SUCO: variants seen among roughly 807,000 people sequenced by gnomAD.
The protein encoded by SUCO is SUN domain-containing ossification factor.
SUCO carries 57 observed loss-of-function variants against 148.1 expected under a neutral mutation model. The observed-to-expected ratio is 0.38, with a 90% CI of 0.31 to 0.48. SUCO has a LOEUF of 0.48. Ranked by LOEUF, SUCO falls within the 20% of genes least tolerant of loss-of-function variation. The probability of loss-of-function intolerance (pLI) is 0.96; values close to 1 mark genes in which losing one functional copy is unlikely to be tolerated. For synonymous variants in SUCO, 470 were observed against 502.7 expected (o/e 0.93, Z 0.87); for missense variants, 1,331 against 1,468.2 (o/e 0.91, Z 1.53).
chr1:172,569,732 C>T (rs966378006), intron 7 of SUCO, among the ~76,000 whole-genome samples: 1 of 151,826 alleles, frequency 6.6e-6, no homozygotes, highest in Non-Finnish European at 1.5e-5. Context: ...GAAATACATC[C>T]TTAATAGATG....
Position 172,555,950 on chromosome 1 carries a change from G to A in SUCO, c.370G>A (p.Val124Ile). The A allele has an allele frequency of 6.2e-7, 1 of 1,613,506 alleles. No homozygotes were observed. The highest frequency in any genetic ancestry group is 8.5e-7 in the Non-Finnish European group (1 of 1,179,666). Residue 124 changes from valine (V) to isoleucine (I), a missense_variant, in exon 4 of 24, where the codon GTT becomes ATT. Val to Ile is a conservative substitution (Grantham distance 29). Around this residue, in one of 3 missense-constraint regions of SUCO, gnomAD observed 992 missense variants for 1,093.5 expected, o/e 0.91. Transcript: ENST00000263688. ...VDLHEESSNA[V>I]VDSETVENIS... ...TTTGCATGAAGAGTCTTCCAATGCA[G>A]TTGTGGACAGTGAAACTGTTGAAAA...
chr1:172,577,441 C>T (rs1053153814), intron 11 of SUCO, 98 bp from the exon 12 acceptor site: 12 of 1,174,314 alleles, frequency 1.0e-5, no homozygotes, highest in Non-Finnish European at 2.4e-6. Flanking sequence ...ACTCTCTATA[C>T]TTTATACAAC....
At chr1:172,557,943 C>T in intron 6 of SUCO, 149 bp downstream of exon 6, 2 of 620,450 alleles carry the variant, frequency 3.2e-6, no homozygotes, top group African/African-American at 1.9e-5. Context: ...GAACTGTGCT[C>T]CCTGAGAGCA....
chr1:172,569,512 G>A (rs2149244609), intron 7 of SUCO: 1 of 982,426 alleles, frequency 1.0e-6, no homozygotes, highest in Non-Finnish European at 1.2e-6. Context: ...ACCAAAAGGT[G>A]TTTTACATAT....
At chr1:172,600,982 GT>G (rs1272568602) in intron 20 of SUCO, among the ~76,000 whole-genome samples, 1 of 152,166 alleles carries the variant, frequency 6.6e-6, no homozygotes, top group Non-Finnish European at 1.5e-5. Flanking sequence ...TGAGAAATGG[GT>G]TCAAGATATT....
At chr1:172,532,886 C>A (rs1184341279), upstream of SUCO, 119 of 1,456,912 alleles carry the variant, frequency 8.2e-5, no homozygotes, top group Non-Finnish European at 9.0e-5. Flanking sequence ...GGACCTGGGG[C>A]GGGCGGAGCG....
chr1:172,538,828 C>G (rs182862851), intron 1 of SUCO, among the ~76,000 whole-genome samples: 7 of 152,250 alleles, frequency 4.6e-5, no homozygotes, highest in Admixed American at 2.0e-4. Flanking sequence ...TCGGGTCATA[C>G]AGTGTCAGAT....
intron 7 of SUCO, 32 bp from the exon 8 acceptor site, chr1:172,570,015 T>A: frequency 7.4e-7 from 1 of 1,355,194 alleles, no homozygotes; most frequent in Non-Finnish European, 9.5e-7. Context: ...CAAATATATA[T>A]ATAAATATTT....
chr1:172,606,788 A>G (rs920685185), intron 22 of SUCO, among the ~76,000 whole-genome samples: 5 of 151,734 alleles, frequency 3.3e-5, no homozygotes, highest in African/African-American at 1.2e-4. Flanking sequence ...TTTTCCTCCC[A>G]GATATTCCCT....
intron 19 of SUCO, 46 bp from the exon 20 acceptor site, chr1:172,600,018 T>A: frequency 8.0e-7 from 1 of 1,247,224 alleles, no homozygotes; most frequent in Non-Finnish European, 1.1e-6. Context: ...ATAATGTTAA[T>A]AGTTTGTAGT....
intron 1 of SUCO, among the ~76,000 whole-genome samples, chr1:172,545,840 A>G (rs191721727): frequency 1.1e-4 from 16 of 152,332 alleles, no homozygotes; most frequent in Admixed American, 7.2e-4. Context: ...CAATTTTACA[A>G]TGTTGATACT....
At chr1:172,563,152 G>A (rs998333820) in intron 6 of SUCO, among the ~76,000 whole-genome samples, 1 of 152,126 alleles carries the variant, frequency 6.6e-6, no homozygotes, top group African/African-American at 2.4e-5. Flanking sequence ...GTTCTTTATA[G>A]CAGTGTAAGA....
In SUCO at chr1:172,550,912, G is replaced by A. The variant is rs1039360807; in HGVS notation, c.63-600G>A. 5.2e-6 allele frequency: 5 copies of A among 969,920 alleles called. No homozygotes were observed. The African/African-American group carries it at 8.8e-5, about 17-fold the overall frequency. 60.1% of individuals were successfully genotyped at this position (969,920 alleles called of 1,614,324 possible). ...TGTTGGACTAGTTTTGAATGTCAGA[G>A]CTTAACTCTACTTGATAATAATTGT... is the stretch of plus-strand genomic sequence containing the variant. On this transcript the variant is annotated intron_variant, in intron 1 of 23. Coordinates refer to ENST00000263688, the MANE Select transcript of SUCO (RefSeq NM_014283.5).
intron 9 of SUCO, among the ~76,000 whole-genome samples, chr1:172,572,693 C>CAAGA (rs1655124894): frequency 6.5e-5 from 1 of 15,498 alleles, no homozygotes; most frequent in African/African-American, 2.8e-4. Flanking sequence ...CAAGAATGAT[C>CAAGA]AATAAAAAAA....
At chr1:172,588,118 G>A (rs1656366257) in intron 17 of SUCO, 1 of 985,112 alleles carries the variant, frequency 1.0e-6, no homozygotes. Context: ...AATTATTTTA[G>A]GAAGGGAGAT....
chr1:172,534,722 G>A (rs1270380125), intron 1 of SUCO, among the ~76,000 whole-genome samples: 1 of 152,144 alleles, frequency 6.6e-6, no homozygotes. Flanking sequence ...GCCTGTAAGA[G>A]ATAAATCCAC....
chr1:172,604,339 G>T (rs1175399211), intron 22 of SUCO, among the ~76,000 whole-genome samples: 1 of 151,838 alleles, frequency 6.6e-6, no homozygotes, highest in African/African-American at 2.4e-5. Context: ...AGAAAGTTGA[G>T]TAGAGTAGGT....
chr1:172,543,244 GC>G (rs1408030438), intron 1 of SUCO, among the ~76,000 whole-genome samples: 1 of 152,174 alleles, frequency 6.6e-6, no homozygotes, highest in African/African-American at 2.4e-5. Flanking sequence ...TACTGTTGTA[GC>G]TTTATTTTCT....
At chr1:172,566,647 G>T (rs966946703) in intron 6 of SUCO, among the ~76,000 whole-genome samples, 1 of 152,258 alleles carries the variant, frequency 6.6e-6, no homozygotes, top group Admixed American at 6.5e-5. Context: ...AGGCAGTTCT[G>T]CAGTCATACC....
Sources: gnomAD v4.1 joint callset for allele counts (sites outside exome capture counted in the v4.1 genomes callset) on GRCh38, gnomAD v4.1.1 for gene constraint, gnomAD v4.1.1 regional missense constraint, MANE v1.5 for transcripts, NCBI Gene and HGNC (gene_info 2026-07-23, HGNC 2026-07-21) for gene names.